Variants in CTNNA3 observed in about 807,000 individuals in gnomAD.
The protein encoded by CTNNA3 is catenin alpha 3.
A neutral mutation model predicts 95.7 loss-of-function variants in CTNNA3; 76 were observed. The ratio of observed to expected loss-of-function variants is 0.79; its 90% confidence interval spans 0.66 to 0.96. The LOEUF (loss-of-function observed/expected upper bound fraction) is 0.96. CTNNA3 is among the 40% of genes least tolerant of loss of function. The pLI is 0.00. For missense variants in CTNNA3, 1,191 were observed against 1,089.8 expected (o/e 1.09, Z -1.31); for synonymous variants, 431 against 374.4 (o/e 1.15, Z -1.74).
intron 6 of CTNNA3, among the ~76,000 whole-genome samples, chr10:67,206,393 T>C (rs1379905244): frequency 2.6e-5 from 4 of 152,188 alleles, no homozygotes; most frequent in African/African-American, 9.6e-5. Flanking sequence ...TTGTGAAGGG[T>C]ATCCTGGGTT....
chr10:67,687,423 T>C (rs919568667), intron 1 of CTNNA3, among the ~76,000 whole-genome samples: 5 of 152,158 alleles, frequency 3.3e-5, no homozygotes, highest in Non-Finnish European at 2.9e-5. Context: ...TTGCAAACCA[T>C]ACTGAATACA....
intron 5 of CTNNA3, among the ~76,000 whole-genome samples, chr10:67,403,137 C>T (rs540977484): frequency 6.6e-6 from 1 of 152,274 alleles, no homozygotes; most frequent in East Asian, 1.9e-4. Context: ...ACAGTCTGGA[C>T]AAGTAAGGGA....
Position 66,318,448 on chromosome 10 carries a change from G to A in CTNNA3, c.1733-37827C>T, listed in dbSNP as rs375773698. 1.4e-4 allele frequency among the ~76,000 whole-genome samples: 21 copies of A among 151,838 alleles called. No individual in the cohort carries two copies. The East Asian group carries it at 3.1e-3, about 23-fold the overall frequency. ...CACCTATCTTTCTTTGTATTCTGTCGTTGTGATCCATAGATACCAATTACT... is the reference window on the plus strand; with the variant it reads ...CACCTATCTTTCTTTGTATTCTGTCATTGTGATCCATAGATACCAATTACT... On this transcript the variant is annotated intron_variant, in intron 12 of 17. Coordinates refer to ENST00000433211, the MANE Select transcript of CTNNA3 (RefSeq NM_013266.4).
At chr10:67,595,464 T>A (rs1842910285) in intron 3 of CTNNA3, among the ~76,000 whole-genome samples, 1 of 152,210 alleles carries the variant, frequency 6.6e-6, no homozygotes, top group Non-Finnish European at 1.5e-5. Context: ...ATCTTGGTAT[T>A]TATTTCTATT....
chr10:67,481,434 A>C (rs946326607), intron 5 of CTNNA3, among the ~76,000 whole-genome samples: 2 of 152,230 alleles, frequency 1.3e-5, no homozygotes, highest in African/African-American at 4.8e-5. Context: ...GTAAAGTGTC[A>C]GGATACAAAA....
chr10:67,415,843 C>T (rs1482945775), intron 5 of CTNNA3, among the ~76,000 whole-genome samples: 1 of 152,100 alleles, frequency 6.6e-6, no homozygotes, highest in East Asian at 1.9e-4. Context: ...AATAAAGCCA[C>T]ACACCTACAA....
At chr10:67,539,214 A>C (rs1218681423) in intron 4 of CTNNA3, among the ~76,000 whole-genome samples, 1 of 152,060 alleles carries the variant, frequency 6.6e-6, no homozygotes, top group African/African-American at 2.4e-5. Context: ...TTATTTATTT[A>C]TTTATAGAGA....
intron 5 of CTNNA3, among the ~76,000 whole-genome samples, chr10:67,510,689 TTC>T (rs1217291647): frequency 1.3e-5 from 2 of 152,224 alleles, no homozygotes; most frequent in Non-Finnish European, 2.9e-5. Context: ...TCTTTTTTGG[TTC>T]TGTATGAAAT....
At chr10:67,652,833 T>C (rs1839916282) in intron 1 of CTNNA3, among the ~76,000 whole-genome samples, 1 of 152,218 alleles carries the variant, frequency 6.6e-6, no homozygotes, top group Non-Finnish European at 1.5e-5. Flanking sequence ...AGAGGATCTA[T>C]TCCTTCCTGT....
chr10:67,458,457 A>C (rs1384587146), intron 5 of CTNNA3, among the ~76,000 whole-genome samples: 1 of 152,084 alleles, frequency 6.6e-6, no homozygotes, highest in Non-Finnish European at 1.5e-5. Flanking sequence ...TGCCTGTGGG[A>C]TTCTGGGGCA....
At chr10:67,687,701 T>C (rs921560189) in intron 1 of CTNNA3, among the ~76,000 whole-genome samples, 7 of 152,200 alleles carry the variant, frequency 4.6e-5, no homozygotes, top group African/African-American at 1.7e-4. Flanking sequence ...TTAGAATCAA[T>C]TGACCCTCGA....
chr10:66,818,944 G>T (rs990400006), intron 7 of CTNNA3, among the ~76,000 whole-genome samples: 1 of 151,978 alleles, frequency 6.6e-6, no homozygotes, highest in Non-Finnish European at 1.5e-5. Context: ...ACAAAAATTA[G>T]CAGGGCATGG....
At chr10:66,943,314 T>G (rs1208410491) in intron 7 of CTNNA3, among the ~76,000 whole-genome samples, 1 of 152,186 alleles carries the variant, frequency 6.6e-6, no homozygotes, top group Non-Finnish European at 1.5e-5. Flanking sequence ...TTAATGACTT[T>G]GAAGTGTTAA....
intron 5 of CTNNA3, among the ~76,000 whole-genome samples, chr10:67,251,556 A>G (rs726987): frequency 0.032 from 4,798 of 152,270 alleles, 244 homozygotes; most frequent in African/African-American, 0.11. Context: ...AGAGGAGTGA[A>G]GAGGCAGCCT....
intron 7 of CTNNA3, among the ~76,000 whole-genome samples, chr10:67,129,856 C>A (rs949665353): frequency 3.3e-5 from 5 of 152,074 alleles, no homozygotes; most frequent in Admixed American, 6.6e-5. Context: ...TATGTGGCCA[C>A]CATGATTGTG....
At chr10:66,398,668 T>C (rs2092997901) in intron 11 of CTNNA3, among the ~76,000 whole-genome samples, 1 of 129,500 alleles carries the variant, frequency 7.7e-6, no homozygotes, top group Admixed American at 8.1e-5. Context: ...AACAGAACAC[T>C]TTTTTTTAGT....
At chr10:65,921,453 G>A (rs948850863) in intron 17 of CTNNA3, among the ~76,000 whole-genome samples, 2 of 152,206 alleles carry the variant, frequency 1.3e-5, no homozygotes, top group African/African-American at 4.8e-5. Flanking sequence ...TCCTTCTCTT[G>A]CTTTTGGAAG....
chr10:67,393,805 T>G (rs1254118455), intron 5 of CTNNA3, among the ~76,000 whole-genome samples: 2 of 152,140 alleles, frequency 1.3e-5, no homozygotes, highest in Non-Finnish European at 2.9e-5. Flanking sequence ...ATTAGGTTTC[T>G]ACTAAAAAAT....
chr10:67,518,032 A>G (rs967167515), intron 5 of CTNNA3, among the ~76,000 whole-genome samples: 1 of 152,188 alleles, frequency 6.6e-6, no homozygotes, highest in Admixed American at 6.5e-5. Context: ...CATATTTCAT[A>G]GGACTTACTT....
Sources: gnomAD v4.1 joint callset for allele counts (sites outside exome capture counted in the v4.1 genomes callset) on GRCh38, gnomAD v4.1.1 for gene constraint, MANE v1.5 for transcripts, NCBI Gene and HGNC (gene_info 2026-07-23, HGNC 2026-07-21) for gene names.